COMMD10: variants seen among roughly 807,000 people sequenced by gnomAD.
The protein encoded by COMMD10 is COMM domain containing 10, also known as COMM domain-containing protein 10.
Under a neutral mutation model 28.9 loss-of-function variants are expected in COMMD10, and 33 were observed. That is an observed-to-expected ratio of 1.14 (90% CI 0.87 to 1.53). COMMD10 has a LOEUF of 1.53. Among genes scored for constraint, COMMD10 ranks in the 40% most tolerant of loss-of-function variants. COMMD10 has a pLI of 0.00. For missense variants in COMMD10, 310 were observed against 233.4 expected, an observed-to-expected ratio of 1.33 and a Z score of -2.14; for synonymous variants, 110 against 81.7, an observed-to-expected ratio of 1.35 and a Z score of -1.87.
chr5:116,257,339 A>G (rs1310833870), intron 5 of COMMD10, among the ~76,000 whole-genome samples: 5 of 151,736 alleles, frequency 3.3e-5, no homozygotes, highest in African/African-American at 9.7e-5. Flanking sequence ...TTTTAAATAT[A>G]TAACTTGTTG....
At chr5:116,176,384 G>C (rs149456973) in intron 5 of COMMD10, among the ~76,000 whole-genome samples, 2,019 of 152,294 alleles carry the variant, frequency 0.013, 46 homozygotes, top group African/African-American at 0.045. Context: ...AAAGTGTTGG[G>C]ATTACAGGTG....
chr5:116,120,986 C>G (rs751781442), intron 4 of COMMD10, among the ~76,000 whole-genome samples: 1 of 151,268 alleles, frequency 6.6e-6, no homozygotes, highest in Non-Finnish European at 1.5e-5. Flanking sequence ...CCTATATTTT[C>G]TTTTTTTTAA....
At chr5:116,157,182 C>T (rs1048739677) in intron 5 of COMMD10, among the ~76,000 whole-genome samples, 6 of 152,120 alleles carry the variant, frequency 3.9e-5, no homozygotes, top group African/African-American at 4.8e-5. Context: ...GTTTTTCAAG[C>T]TGAAGGCCAC....
intron 5 of COMMD10, among the ~76,000 whole-genome samples, chr5:116,209,772 G>GT (rs757796296): frequency 6.6e-6 from 1 of 152,030 alleles, no homozygotes; most frequent in Non-Finnish European, 1.5e-5. Flanking sequence ...TATATTTACA[G>GT]TTTTTTTGGA....
At chr5:116,249,464 AAAG>A (rs1485091933) in intron 5 of COMMD10, among the ~76,000 whole-genome samples, 17 of 151,980 alleles carry the variant, frequency 1.1e-4, no homozygotes, top group African/African-American at 4.1e-4. Flanking sequence ...ATTAAATAAA[AAAG>A]AATTCTTATA....
intron 5 of COMMD10, among the ~76,000 whole-genome samples, chr5:116,157,422 T>G (rs940826758): frequency 1.3e-5 from 2 of 152,170 alleles, no homozygotes; most frequent in African/African-American, 2.4e-5. Context: ...TTCAGCAGTT[T>G]GCCGGGTCTA....
chr5:116,170,348 A>G (rs554728146), intron 5 of COMMD10, among the ~76,000 whole-genome samples: 7 of 152,320 alleles, frequency 4.6e-5, no homozygotes, highest in African/African-American at 1.7e-4. Context: ...GACAGAAACA[A>G]ATGAAAAACA....
chr5:116,231,392 A>C (rs1441030922), intron 5 of COMMD10, among the ~76,000 whole-genome samples: 1 of 152,182 alleles, frequency 6.6e-6, no homozygotes, highest in Admixed American at 6.6e-5. Flanking sequence ...AGTTAGCAGT[A>C]GTTAACTTTG....
intron 5 of COMMD10, among the ~76,000 whole-genome samples, chr5:116,201,747 A>G (rs1427942923): frequency 6.6e-6 from 1 of 152,168 alleles, no homozygotes; most frequent in East Asian, 1.9e-4. Context: ...TAAAGAGAAT[A>G]AGAAGTTGTC....
At chr5:116,114,118 A>T (rs1751151941) in intron 4 of COMMD10, among the ~76,000 whole-genome samples, 1 of 152,086 alleles carries the variant, frequency 6.6e-6, no homozygotes, top group African/African-American at 2.4e-5. Flanking sequence ...TGGTGAAATT[A>T]TGCTAGGGAC....
chr5:116,242,472 G>C (rs752072652), intron 5 of COMMD10, among the ~76,000 whole-genome samples: 2 of 152,186 alleles, frequency 1.3e-5, no homozygotes, highest in Non-Finnish European at 2.9e-5. Flanking sequence ...CTGAGGGTTT[G>C]ACATTATTAT....
intron 5 of COMMD10, among the ~76,000 whole-genome samples, chr5:116,141,874 G>C (rs992992871): frequency 6.6e-5 from 10 of 151,584 alleles, no homozygotes; most frequent in African/African-American, 1.9e-4. Context: ...GCGTTTTAAG[G>C]GTTCTTTTTC....
At chr5:116,141,207 G>A (rs554027474) in intron 5 of COMMD10, among the ~76,000 whole-genome samples, 25 of 151,462 alleles carry the variant, frequency 1.7e-4, no homozygotes, top group Non-Finnish European at 3.1e-4. Flanking sequence ...GCATCTTCTC[G>A]GTAGCCTTGA....
chr5:116,218,328 A>C, intron 5 of COMMD10: 1 of 676,784 alleles, frequency 1.5e-6, no homozygotes, highest in Non-Finnish European at 2.8e-6. Context: ...GGACATAGGC[A>C]CTGGGCGTAG....
chr5:116,224,474 C>G (rs1444166999), intron 5 of COMMD10, among the ~76,000 whole-genome samples: 1 of 152,208 alleles, frequency 6.6e-6, no homozygotes, highest in Non-Finnish European at 1.5e-5. Flanking sequence ...TCATCTGCTT[C>G]TGGTAAGGCC....
chr5:116,280,607 C>T (rs1226789276), intron 5 of COMMD10, among the ~76,000 whole-genome samples: 2 of 151,748 alleles, frequency 1.3e-5, no homozygotes, highest in African/African-American at 2.4e-5. Flanking sequence ...GCACATGTTA[C>T]TCTTAAATGT....
chr5:116,124,491 A>G (rs112691429), intron 4 of COMMD10, among the ~76,000 whole-genome samples: 8,129 of 152,222 alleles, frequency 0.053, 308 homozygotes, highest in African/African-American at 0.11. Context: ...ACTTCCAACT[A>G]TGTGGTCAAT....
intron 4 of COMMD10, among the ~76,000 whole-genome samples, chr5:116,097,639 G>A (rs58406663): frequency 0.076 from 11,548 of 152,154 alleles, 832 homozygotes; most frequent in African/African-American, 0.18. Flanking sequence ...ACCTGAAATA[G>A]GGTAATTATA....
At chr5:116,241,652 G>A (rs1046737873) in intron 5 of COMMD10, among the ~76,000 whole-genome samples, 5 of 149,604 alleles carry the variant, frequency 3.3e-5, no homozygotes, top group South Asian at 2.1e-4. Flanking sequence ...TCGCTCTGTC[G>A]CCCAGGCTGG....
Sources: allele counts gnomAD v4.1 joint callset (sites outside exome capture counted in the v4.1 genomes callset), GRCh38; gene constraint gnomAD v4.1.1; transcripts MANE v1.5; gene names NCBI Gene and HGNC (gene_info 2026-07-23, HGNC 2026-07-21).